Variants in STPG4 observed in about 807,000 individuals in gnomAD.
STPG4 encodes sperm-tail PG-rich repeat containing 4, also known as protein STPG4.
In STPG4, 41 loss-of-function variants were observed where a neutral mutation model predicts 31.5. The ratio of observed to expected loss-of-function variants is 1.30; its 90% CI spans 1.01 to 1.69. The LOEUF is 1.69. STPG4 is among the 40% of genes most tolerant of loss of function. The pLI is 0.00. For synonymous variants in STPG4, 141 were observed against 103.0 expected (o/e 1.37, Z -2.24); for missense variants, 375 against 293.4 (o/e 1.28, Z -2.03).
intron 5 of STPG4, among the ~76,000 whole-genome samples, chr2:47,095,538 T>C (rs1685653150): frequency 6.6e-6 from 1 of 152,212 alleles, no homozygotes; most frequent in Admixed American, 6.5e-5. Context: ...TTTCTTGTAC[T>C]GGGCACAACA....
chr2:47,093,918 C>G (rs1476904376), intron 5 of STPG4, among the ~76,000 whole-genome samples: 2 of 152,262 alleles, frequency 1.3e-5, no homozygotes, highest in Non-Finnish European at 2.9e-5. Flanking sequence ...CGGGCAACAG[C>G]TCTAGCAGAG....
At chr2:47,116,367 C>A (rs999764798) in intron 5 of STPG4, among the ~76,000 whole-genome samples, 1 of 152,172 alleles carries the variant, frequency 6.6e-6, no homozygotes, top group Non-Finnish European at 1.5e-5. Context: ...TGTAGAGTTT[C>A]TCTGAAACTA....
chr2:47,113,672 G>C (rs554921041), intron 5 of STPG4, among the ~76,000 whole-genome samples: 1 of 152,296 alleles, frequency 6.6e-6, no homozygotes, highest in East Asian at 1.9e-4. Context: ...CTGAAGTTCT[G>C]TCAAAATTTA....
chr2:47,126,223 G>A (rs773459617), intron 5 of STPG4, among the ~76,000 whole-genome samples: 10 of 152,078 alleles, frequency 6.6e-5, no homozygotes, highest in Non-Finnish European at 1.3e-4. Flanking sequence ...GTGGTTCCAC[G>A]TTAAGTTTTA....
At chr2:47,090,417 T>C (rs1444973652) in intron 5 of STPG4, 43 bp from the exon 6 acceptor site, 1 of 1,270,124 alleles carries the variant, frequency 7.9e-7, no homozygotes, top group Non-Finnish European at 1.1e-6. Context: ...ATTGTACATT[T>C]GATATATTTT....
chr2:47,093,960 G>A (rs1448614922), intron 5 of STPG4, among the ~76,000 whole-genome samples: 1 of 152,242 alleles, frequency 6.6e-6, no homozygotes, highest in Non-Finnish European at 1.5e-5. Flanking sequence ...AGGACGGCTT[G>A]AGTGGACAGA....
chr2:47,114,860 C>T (rs986699215), intron 5 of STPG4, among the ~76,000 whole-genome samples: 9 of 152,012 alleles, frequency 5.9e-5, no homozygotes, highest in African/African-American at 9.7e-5. Flanking sequence ...CTCCATCTTC[C>T]GGGTTCAAGC....
intron 3 of STPG4, among the ~76,000 whole-genome samples, chr2:47,141,325 C>CA (rs57032767): frequency 0.02 from 2,287 of 116,264 alleles, 61 homozygotes; most frequent in African/African-American, 0.067. Flanking sequence ...GGGACTTTCT[C>CA]AAAAAAAAAA....
At chr2:47,130,029 C>T in intron 4 of STPG4, 34 bp from the exon 5 acceptor site, 1 of 1,507,730 alleles carries the variant, frequency 6.6e-7, no homozygotes, top group Non-Finnish European at 9.1e-7. Flanking sequence ...AAGTGATTTT[C>T]TAAATCTATT....
intron 5 of STPG4, among the ~76,000 whole-genome samples, chr2:47,099,895 G>A (rs1214609366): frequency 6.6e-6 from 1 of 152,190 alleles, no homozygotes; most frequent in Non-Finnish European, 1.5e-5. Context: ...TGCGGAGGGT[G>A]TACTGGGTCC....
At chr2:47,127,579 A>C (rs551697114) in intron 5 of STPG4, among the ~76,000 whole-genome samples, 6 of 152,236 alleles carry the variant, frequency 3.9e-5, no homozygotes, top group African/African-American at 1.4e-4. Flanking sequence ...CAAGCTCACA[A>C]ATTCTTTCTT....
rs901496053 is a variant in STPG4 at position 47,090,374 on chromosome 2, G to C, written c.520C>G (p.His174Asp). 6.5e-7 allele frequency: 1 copy of C among 1,541,528 alleles called. No individual in the cohort carries two copies. Among genetic ancestry groups the C allele is most frequent in the African/African-American group, 1.4e-5 (1 of 72,708 alleles). ...TAATGACCTGGACCAGGGCCTTCAT[G>C]CTATTGAACATTTAAAAAATTGCTT... Reference protein sequence around the residue: ...QRFPTTYFIPHEGPGPGHYNV... With the variant: ...QRFPTTYFIPDEGPGPGHYNV... The change falls in exon 6 of 7, where the codon CAT becomes GAT. Residue 174 changes from histidine to aspartate, a missense_variant and splice_region_variant. His to Asp is a moderately conservative substitution (Grantham distance 81). Coordinates refer to ENST00000445927, the MANE Select transcript of STPG4 (RefSeq NM_001163561.2).
chr2:47,150,062 T>C (rs182156797), intron 3 of STPG4, among the ~76,000 whole-genome samples: 26 of 152,360 alleles, frequency 1.7e-4, no homozygotes, highest in Admixed American at 1.5e-3. Context: ...ACAAGTTATT[T>C]AGTCTCTACT....
At chr2:47,101,569 CT>C (rs1685802018) in intron 5 of STPG4, among the ~76,000 whole-genome samples, 1 of 151,794 alleles carries the variant, frequency 6.6e-6, no homozygotes, top group African/African-American at 2.4e-5. Flanking sequence ...TTAGTTTCTC[CT>C]ATAAGAATGA....
chr2:47,090,502 G>C, intron 5 of STPG4, 128 bp from the exon 6 acceptor site: 1 of 651,932 alleles, frequency 1.5e-6, no homozygotes, highest in Non-Finnish European at 2.6e-6. Context: ...ATTTGGTCTC[G>C]AGAGATCTCT....
intron 3 of STPG4, among the ~76,000 whole-genome samples, chr2:47,143,333 A>C (rs1000216965): frequency 1.5e-4 from 23 of 152,318 alleles, no homozygotes; most frequent in African/African-American, 5.5e-4. Context: ...ATTGGGTATC[A>C]ATGTACAGTA....
At chr2:47,143,879 C>T (rs1321692917) in intron 3 of STPG4, among the ~76,000 whole-genome samples, 3 of 152,140 alleles carry the variant, frequency 2.0e-5, no homozygotes, top group African/African-American at 7.2e-5. Flanking sequence ...GTGATAAAGC[C>T]AGTTAGTGAT....
chr2:47,090,473 T>A, intron 5 of STPG4, 99 bp from the exon 6 acceptor site: 1 of 776,576 alleles, frequency 1.3e-6, no homozygotes, highest in East Asian at 2.7e-5. Context: ...ATCACTGTGA[T>A]ATAGTAGAAA....
chr2:47,115,543 T>C (rs537279253), intron 5 of STPG4, among the ~76,000 whole-genome samples: 1 of 152,296 alleles, frequency 6.6e-6, no homozygotes, highest in East Asian at 1.9e-4. Flanking sequence ...TTTCTGAGGA[T>C]GCTAATTGTA....
Sources: allele counts gnomAD v4.1 joint callset (sites outside exome capture counted in the v4.1 genomes callset), GRCh38; gene constraint gnomAD v4.1.1; transcripts MANE v1.5; gene names NCBI Gene and HGNC (gene_info 2026-07-23, HGNC 2026-07-21).